NSD1: variants seen among roughly 807,000 people sequenced by gnomAD.
NSD1 encodes nuclear receptor binding SET domain protein 1, also known as histone-lysine N-methyltransferase, H3 lysine-36 specific.
Under a neutral mutation model 242.7 loss-of-function variants are expected in NSD1, and 26 were observed. The ratio of observed to expected loss-of-function variants is 0.11; its 90% CI spans 0.08 to 0.15. The LOEUF (loss-of-function observed/expected upper bound fraction) is 0.15. NSD1 is among the 10% of genes least tolerant of loss of function. The pLI is 1.00. For missense variants in NSD1, 2,495 were observed against 3,272.8 expected, an observed-to-expected ratio of 0.76 and a Z score of 5.80; for synonymous variants, 1,106 against 1,178.1, an observed-to-expected ratio of 0.94 and a Z score of 1.25.
chr5:177,143,981 A>G (rs1214400375), intron 2 of NSD1, among the ~76,000 whole-genome samples: 1 of 151,844 alleles, frequency 6.6e-6, no homozygotes, highest in Non-Finnish European at 1.5e-5. Context: ...GATGGGGTTC[A>G]CCACGTTGGC....
Position 177,213,428 on chromosome 5 carries a change from A to G in NSD1, c.3796+1233A>G, listed in dbSNP as rs144069679. On this transcript the variant is annotated intron_variant, in intron 5 of 22. Transcript: ENST00000439151. ...TTGTGGAATATTTGCATCATCCCAG[A>G]CAGAAACACAGAACTCTTGTCAATC... Among the ~76,000 whole-genome samples the G allele has an allele frequency of 4.5e-3, 688 of 152,264 alleles. 7 individuals are homozygous for G. The highest frequency in any genetic ancestry group is 0.016 in the African/African-American group (656 of 41,556).
At chr5:177,257,206 A>G (rs2149912888) in intron 13 of NSD1, 55 bp downstream of exon 13, 1 of 1,369,246 alleles carries the variant, frequency 7.3e-7, no homozygotes, top group East Asian at 2.3e-5. Context: ...TTAATTGGCA[A>G]CAGATATTTT....
rs2127282422 is a variant in NSD1 at position 177,294,665 on chromosome 5, G to C, written c.7297G>C (p.Val2433Leu). The C allele has an allele frequency of 6.2e-7, 1 of 1,614,194 alleles. No individual in the cohort carries two copies. Among genetic ancestry groups the C allele is most frequent in the Non-Finnish European group, 8.5e-7 (1 of 1,180,042 alleles). The change falls in exon 23 of 23, where the codon GTA becomes CTA. Residue 2433 changes from valine to leucine, a missense_variant. Physicochemically the swap from Val to Leu is conservative, Grantham distance 32 (BLOSUM62 1). Coordinates refer to ENST00000439151, the MANE Select transcript of NSD1 (RefSeq NM_022455.5). ...KVLSAVVQTL[V>L]AKEKALRPVD... ...ACTATCAGCTGTGGTCCAGACCCTTGTAGCTAAAGAAAAAGCACTGAGGCC... is the reference window on the plus strand; with the variant it reads ...ACTATCAGCTGTGGTCCAGACCCTTCTAGCTAAAGAAAAAGCACTGAGGCC...
At chr5:177,247,914 T>C in intron 10 of NSD1, 2 of 985,256 alleles carry the variant, frequency 2.0e-6, no homozygotes, top group Non-Finnish European at 2.4e-6. Flanking sequence ...GAATGTTTTC[T>C]CTCCCTTAGT....
chr5:177,244,096 C>A, intron 8 of NSD1, 99 bp from the exon 9 acceptor site: 1 of 875,030 alleles, frequency 1.1e-6, no homozygotes, highest in Non-Finnish European at 1.9e-6. Flanking sequence ...AGTCAAAATT[C>A]AATATCCATG....
chr5:177,285,563 C>CAA (rs772293606), intron 20 of NSD1, among the ~76,000 whole-genome samples: 1,539 of 79,812 alleles, frequency 0.019, 58 homozygotes, highest in African/African-American at 0.025. Flanking sequence ...GATTCCATCT[C>CAA]AAAAAAAAAA....
chr5:177,198,772 C>G (rs1019792174), intron 3 of NSD1, among the ~76,000 whole-genome samples: 16 of 152,102 alleles, frequency 1.1e-4, no homozygotes, highest in Middle Eastern at 3.2e-3. Context: ...AATTCATATC[C>G]TTAGTGATAG....
At chr5:177,143,925 A>G (rs565056732) in intron 2 of NSD1, among the ~76,000 whole-genome samples, 1 of 151,418 alleles carries the variant, frequency 6.6e-6, no homozygotes, top group East Asian at 2.0e-4. Context: ...AGCTTGGATT[A>G]TAGGCATGCG....
intron 2 of NSD1, among the ~76,000 whole-genome samples, chr5:177,154,514 C>G (rs918512329): frequency 1.3e-5 from 2 of 152,028 alleles, no homozygotes; most frequent in Non-Finnish European, 1.5e-5. Context: ...AAAAGTTAAC[C>G]AGTGAAGTGA....
intron 2 of NSD1, among the ~76,000 whole-genome samples, chr5:177,146,395 G>T (rs1039764255): frequency 6.6e-6 from 1 of 151,528 alleles, no homozygotes; most frequent in Non-Finnish European, 1.5e-5. Context: ...TAGTAGAGAC[G>T]GTGTTTCACC....
chr5:177,261,164 G>A (rs1046146049), intron 14 of NSD1, among the ~76,000 whole-genome samples: 3 of 151,538 alleles, frequency 2.0e-5, no homozygotes, highest in Non-Finnish European at 4.4e-5. Flanking sequence ...CTCCCCCACC[G>A]GTTCAAGCGA....
chr5:177,295,794 A>C lies in NSD1; in HGVS notation c.*335A>C. On this transcript the variant is annotated 3_prime_UTR_variant, in exon 23 of 23. Coordinates refer to ENST00000439151, the MANE Select transcript of NSD1 (RefSeq NM_022455.5). This position sits in a 1 kb window ranked among gnomAD's most constrained non-coding sequence, Gnocchi z 4.3. The stretch of plus-strand genomic sequence containing the variant: ...AATTCAATTCCGCTGGTCAGGTTGG[A>C]AGGTATAGGGGCTCTCAAAGCGATT... The C allele has an allele frequency of 4.2e-6, 2 of 477,588 alleles. No homozygotes were observed. Among genetic ancestry groups the C allele is most frequent in the Non-Finnish European group, 7.7e-6 (2 of 259,880 alleles). The allele number at this position is 477,588 out of a possible 1,614,324, so 29.6% of individuals were successfully genotyped here.
chr5:177,284,307 G>A (rs1044532307), intron 20 of NSD1, among the ~76,000 whole-genome samples: 3 of 152,168 alleles, frequency 2.0e-5, no homozygotes, highest in African/African-American at 7.2e-5. Context: ...TAGGGACAGA[G>A]CATTGCTCTG....
intron 5 of NSD1, among the ~76,000 whole-genome samples, chr5:177,216,951 T>G (rs1283554219): frequency 7.7e-6 from 1 of 129,996 alleles, no homozygotes; most frequent in African/African-American, 3.9e-5. Flanking sequence ...GCCTTCAGTT[T>G]TTTTTTTTTT....
intron 2 of NSD1, among the ~76,000 whole-genome samples, chr5:177,191,083 C>G (rs904300167): frequency 6.0e-5 from 9 of 151,130 alleles, no homozygotes; most frequent in African/African-American, 2.2e-4. Flanking sequence ...TCTCCTGTCT[C>G]AGCCTCCCAA....
At chr5:177,292,267 T>C in intron 22 of NSD1, 109 bp downstream of exon 22, 6 of 1,039,322 alleles carry the variant, frequency 5.8e-6, no homozygotes, top group Non-Finnish European at 8.8e-6. Flanking sequence ...TTTCCATGCA[T>C]AATTTTGAGG....
chr5:177,295,704 T>A lies in NSD1; in HGVS notation c.*245T>A. 1.7e-6 allele frequency: 1 copy of A among 576,300 alleles called. No homozygotes were observed. Among genetic ancestry groups the A allele is most frequent in the Non-Finnish European group, 3.1e-6 (1 of 322,934 alleles). 35.7% of individuals were successfully genotyped at this position (576,300 alleles called of 1,614,324 possible). On this transcript the variant is annotated 3_prime_UTR_variant, in exon 23 of 23. Transcript: ENST00000439151. The surrounding 1 kb of genome is among the most constrained non-coding windows in gnomAD (Gnocchi z 4.3). ...CCAAGGAGACAGACAGACTTGGGTCTCTTTCCCCCAACTTTTCCACATGGT... is the reference window on the plus strand; with the variant it reads ...CCAAGGAGACAGACAGACTTGGGTCACTTTCCCCCAACTTTTCCACATGGT...
In NSD1 at chr5:177,178,722, G is replaced by A. The variant is rs149916038; in HGVS notation, c.928-13162G>A. On this transcript the variant is annotated intron_variant, in intron 2 of 22. Coordinates refer to ENST00000439151, the MANE Select transcript of NSD1 (RefSeq NM_022455.5). Reference sequence around the variant, plus strand: ...TCGGCTTAAGTGATCCTTGTTTAATGTTTGTTTTTAAGAACATTAAAAAGT... The same window carrying A: ...TCGGCTTAAGTGATCCTTGTTTAATATTTGTTTTTAAGAACATTAAAAAGT... 9.2e-3 allele frequency among the ~76,000 whole-genome samples: 1,394 copies of A among 152,182 alleles called. 20 individuals carry two copies. The highest frequency in any genetic ancestry group is 0.032 in the African/African-American group (1,323 of 41,522).
intron 5 of NSD1, among the ~76,000 whole-genome samples, chr5:177,227,212 T>A (rs1004911745): frequency 2.6e-5 from 4 of 152,210 alleles, no homozygotes; most frequent in Non-Finnish European, 4.4e-5. Flanking sequence ...TGTAGATGTT[T>A]GCAATTTTCT....
Sources: allele counts gnomAD v4.1 joint callset (sites outside exome capture counted in the v4.1 genomes callset), GRCh38; gene constraint gnomAD v4.1.1; non-coding constraint Gnocchi (gnomAD v3.1); transcripts MANE v1.5; gene names NCBI Gene and HGNC (gene_info 2026-07-23, HGNC 2026-07-21).